SHOC2: variants seen among roughly 807,000 people sequenced by gnomAD.
SHOC2 encodes the protein SHOC2 leucine rich repeat scaffold protein, also known as leucine-rich repeat protein SHOC-2.
Under a neutral mutation model 50.2 loss-of-function variants are expected in SHOC2, and 4 were observed. The ratio of observed to expected loss-of-function variants is 0.08; its 90% CI spans 0.04 to 0.18. The LOEUF (loss-of-function observed/expected upper bound fraction) is 0.18. Among genes scored for constraint, SHOC2 ranks in the 10% least tolerant of loss-of-function variants. The probability of loss-of-function intolerance (pLI) is 1.00; values close to 1 mark genes in which losing one functional copy is unlikely to be tolerated. For synonymous variants in SHOC2, 218 were observed against 244.5 expected, an observed-to-expected ratio of 0.89 and a Z score of 1.01; for missense variants, 388 against 669.6, an observed-to-expected ratio of 0.58 and a Z score of 4.64.
At chr10:110,988,747 T>C (rs981359267) in intron 3 of SHOC2, among the ~76,000 whole-genome samples, 13 of 152,178 alleles carry the variant, frequency 8.5e-5, no homozygotes, top group African/African-American at 3.1e-4. Context: ...TAGTTTCTTA[T>C]GGTGGCAGCT....
At chr10:110,933,626 T>C (rs1347490733) in intron 1 of SHOC2, among the ~76,000 whole-genome samples, 1 of 152,148 alleles carries the variant, frequency 6.6e-6, no homozygotes, top group Non-Finnish European at 1.5e-5. Context: ...TCAATGTCAG[T>C]TGATTTTCGT....
chr10:110,966,602 A>G (rs1447857927), intron 2 of SHOC2, among the ~76,000 whole-genome samples: 1 of 152,162 alleles, frequency 6.6e-6, no homozygotes, highest in Non-Finnish European at 1.5e-5. Context: ...AATGCTATCA[A>G]ATTACCTAGG....
intron 3 of SHOC2, among the ~76,000 whole-genome samples, chr10:110,998,804 A>G (rs1848315605): frequency 1.3e-5 from 2 of 152,318 alleles, no homozygotes; most frequent in Admixed American, 6.5e-5. Flanking sequence ...ATTAGCTCCA[A>G]TTACTCATTA....
chr10:110,926,710 G>T lies in SHOC2; in HGVS notation c.-235+7053G>T, dbSNP rs371275958. 3.2e-3 allele frequency among the ~76,000 whole-genome samples: 484 copies of T among 152,248 alleles called. 26 individuals carry two copies. In the South Asian group the frequency reaches 0.092, roughly 29 times the overall value. On this transcript the variant is annotated intron_variant, in intron 1 of 8. Transcript: ENST00000369452. ...AATGATCTAGGATCATGAAGAAGAGGTTATTGGATATTAGTAAATTTTGTT... is the reference window on the plus strand; with the variant it reads ...AATGATCTAGGATCATGAAGAAGAGTTTATTGGATATTAGTAAATTTTGTT...
At chr10:110,952,048 T>C (rs1318833907) in intron 1 of SHOC2, among the ~76,000 whole-genome samples, 1 of 152,210 alleles carries the variant, frequency 6.6e-6, no homozygotes, top group East Asian at 1.9e-4. Flanking sequence ...ATCTGTAGAT[T>C]GTTACAGACA....
chr10:110,921,438 A>G (rs908869471), intron 1 of SHOC2, among the ~76,000 whole-genome samples: 2 of 152,254 alleles, frequency 1.3e-5, no homozygotes, highest in Non-Finnish European at 2.9e-5. Flanking sequence ...CTGAAATTTA[A>G]TATAAAGCCA....
At chr10:110,961,725 A>G (rs1277039697) in intron 1 of SHOC2, among the ~76,000 whole-genome samples, 5 of 152,218 alleles carry the variant, frequency 3.3e-5, no homozygotes, top group Admixed American at 3.3e-4. Context: ...AATTTCAGAT[A>G]CAGTGGCTAG....
At chr10:110,992,965 A>G (rs965903491) in intron 3 of SHOC2, among the ~76,000 whole-genome samples, 3 of 152,190 alleles carry the variant, frequency 2.0e-5, no homozygotes, top group African/African-American at 7.2e-5. Flanking sequence ...CGAAAGTTAT[A>G]CTAAATTAAA....
At chr10:110,982,451 A>C (rs1356849605) in intron 2 of SHOC2, among the ~76,000 whole-genome samples, 1 of 152,018 alleles carries the variant, frequency 6.6e-6, no homozygotes, top group Non-Finnish European at 1.5e-5. Flanking sequence ...ACAATGGTTG[A>C]ACTAGTTTAC....
At chr10:110,967,441 C>T (rs956191792) in intron 2 of SHOC2, among the ~76,000 whole-genome samples, 2 of 152,170 alleles carry the variant, frequency 1.3e-5, no homozygotes, top group South Asian at 2.1e-4. Context: ...CACAAGATTG[C>T]GGGGGAGGAT....
chr10:110,922,278 A>G (rs888539541), intron 1 of SHOC2, among the ~76,000 whole-genome samples: 5 of 152,126 alleles, frequency 3.3e-5, no homozygotes, highest in Non-Finnish European at 7.4e-5. Flanking sequence ...GCTTCCGAGT[A>G]GTGATTGGTA....
rs554334092 is a variant in SHOC2, at chr10:111,009,793, T to C, written c.1503T>C (p.Leu501=). 6.2e-7 allele frequency: 1 copy of C among 1,611,912 alleles called. No homozygotes were observed. The highest frequency in any genetic ancestry group is 1.7e-5 in the Admixed American group (1 of 60,018). ...GHLTNLTHLG[L]GENLLTHLPE... is the part of the protein sequence containing the mutation. ...TTACTAATCTCACACATCTGGGCCT[T>C]GGAGAGAACCTACTTACTCACCTTC... The change falls in exon 8 of 9, where the codon CTT becomes CTC. Residue 501 remains leucine (L), a synonymous_variant. Coordinates refer to ENST00000369452, the MANE Select transcript of SHOC2 (RefSeq NM_007373.4).
chr10:110,919,647 G>T lies in SHOC2; in HGVS notation c.-245G>T. Reference sequence around the variant, plus strand: ...CGAGCGAGGAGGATGGCGGAGTCGGGGCTCCTGACGGTAACTCGGGGCCGA... The same window carrying T: ...CGAGCGAGGAGGATGGCGGAGTCGGTGCTCCTGACGGTAACTCGGGGCCGA... On this transcript the variant is annotated 5_prime_UTR_variant, in exon 1 of 9. Coordinates refer to ENST00000369452, the MANE Select transcript of SHOC2 (RefSeq NM_007373.4). 2.5e-6 allele frequency: 1 copy of T among 398,746 alleles called. No homozygotes were observed. The highest frequency in any genetic ancestry group is 1.3e-4 in the South Asian group (1 of 7,880). The allele number at this position is 398,746 out of a possible 1,614,324, so 24.7% of individuals were successfully genotyped here.
chr10:110,943,283 C>T (rs1004289402), intron 1 of SHOC2, among the ~76,000 whole-genome samples: 4 of 147,992 alleles, frequency 2.7e-5, no homozygotes, highest in Admixed American at 6.8e-5. Context: ...GTTCCTCATA[C>T]TGGATAATAT....
intron 2 of SHOC2, among the ~76,000 whole-genome samples, chr10:110,966,531 T>C (rs1423859788): frequency 6.6e-6 from 1 of 152,122 alleles, no homozygotes; most frequent in African/African-American, 2.4e-5. Context: ...TGTGTATGTG[T>C]TACACTCAGT....
At chr10:110,960,781 C>T (rs1482074378) in intron 1 of SHOC2, among the ~76,000 whole-genome samples, 3 of 152,004 alleles carry the variant, frequency 2.0e-5, no homozygotes, top group Non-Finnish European at 4.4e-5. Context: ...GTTCAAGTGA[C>T]TCTCCTGCTT....
intron 1 of SHOC2, among the ~76,000 whole-genome samples, chr10:110,942,230 G>A (rs1461815087): frequency 1.3e-5 from 2 of 152,142 alleles, no homozygotes; most frequent in African/African-American, 4.8e-5. Flanking sequence ...ATTTCGTCAG[G>A]AAGGTCTTTA....
chr10:111,007,337 A>G (rs1848488626), intron 5 of SHOC2, among the ~76,000 whole-genome samples, 194 bp from the exon 6 acceptor site: 1 of 152,224 alleles, frequency 6.6e-6, no homozygotes, highest in Non-Finnish European at 1.5e-5. Flanking sequence ...CTCCCAAATA[A>G]AAGCCTCATT....
chr10:110,937,673 A>C (rs1847054973), intron 1 of SHOC2, among the ~76,000 whole-genome samples: 1 of 152,216 alleles, frequency 6.6e-6, no homozygotes, highest in South Asian at 2.1e-4. Flanking sequence ...AGATAACTTT[A>C]AGGGATAAAG....
Sources: allele counts gnomAD v4.1 joint callset (sites outside exome capture counted in the v4.1 genomes callset), GRCh38; gene constraint gnomAD v4.1.1; transcripts MANE v1.5; gene names NCBI Gene and HGNC (gene_info 2026-07-23, HGNC 2026-07-21).